The following ZFHX4 variants were observed in gnomAD, a reference collection of about 807,000 sequenced individuals.
The protein encoded by ZFHX4 is zinc finger homeobox protein 4.
ZFHX4 carries 56 observed loss-of-function variants against 267.6 expected under a neutral mutation model. That is an observed-to-expected ratio of 0.21 (90% CI 0.17 to 0.26). The LOEUF is 0.26. ZFHX4 is among the 10% of genes least tolerant of loss of function. The pLI is 1.00. For missense variants in ZFHX4, 4,332 were observed against 4,420.0 expected (o/e 0.98, Z 0.56); for synonymous variants, 1,778 against 1,665.6 (o/e 1.07, Z -1.64).
chr8:76,835,247 A>ATATATATG (rs1554572204), intron 5 of ZFHX4, among the ~76,000 whole-genome samples: 4 of 138,770 alleles, frequency 2.9e-5, no homozygotes, highest in African/African-American at 1.1e-4. Context: ...ATATGTATAT[A>ATATATATG]TATATATATA....
chr8:76,863,473 C>G lies in ZFHX4; in HGVS notation c.9759C>G (p.Asp3253Glu), dbSNP rs749953938. Reference protein sequence around the residue: ...LQALQNAIAGDPASFIGGQFL... With the variant: ...LQALQNAIAGEPASFIGGQFL... Reference sequence around the variant, plus strand: ...CATTACAGAATGCAATTGCTGGTGACCCAGCTTCCTTTATAGGCGGACAGT... The same window carrying G: ...CATTACAGAATGCAATTGCTGGTGAGCCAGCTTCCTTTATAGGCGGACAGT... The change falls in exon 11 of 11, where the codon GAC becomes GAG. Residue 3253 changes from aspartate to glutamate, a missense_variant. By Grantham distance (45) the Asp-to-Glu change is conservative. Around this residue, in one of 7 missense-constraint regions of ZFHX4, gnomAD observed 1,648 missense variants for 1,625.0 expected, o/e 1.01. Coordinates refer to ENST00000651372, the MANE Select transcript of ZFHX4 (RefSeq NM_024721.5). 1.9e-6 allele frequency: 3 copies of G among 1,613,668 alleles called. No homozygotes were observed. The highest frequency in any genetic ancestry group is 1.1e-5 in the South Asian group (1 of 90,964).
intron 3 of ZFHX4, among the ~76,000 whole-genome samples, chr8:76,770,149 A>G (rs770423882): frequency 9.9e-5 from 15 of 152,200 alleles, no homozygotes; most frequent in Non-Finnish European, 1.6e-4. Context: ...TATCATTGTT[A>G]TAACACAAAT....
chr8:76,688,033 T>C (rs1036056922), intron 1 of ZFHX4, among the ~76,000 whole-genome samples: 1 of 152,194 alleles, frequency 6.6e-6, no homozygotes, highest in Non-Finnish European at 1.5e-5. Flanking sequence ...CTTTATAAGA[T>C]GCTGTGTTTT....
intron 4 of ZFHX4, among the ~76,000 whole-genome samples, chr8:76,800,747 C>T (rs1330087609): frequency 6.6e-6 from 1 of 152,152 alleles, no homozygotes; most frequent in African/African-American, 2.4e-5. Context: ...AACTTAAGTG[C>T]ACTGTTTATA....
intron 6 of ZFHX4, 112 bp from the exon 7 acceptor site, chr8:76,848,883 G>A: frequency 2.9e-6 from 3 of 1,043,038 alleles, no homozygotes; most frequent in East Asian, 6.0e-5. Context: ...ATGCTTGTCG[G>A]TTCTTTTTGT....
Position 76,855,078 on chromosome 8 carries a change from T to A in ZFHX4, c.8157T>A (p.Asp2719Glu). The A allele has an allele frequency of 6.2e-7, 1 of 1,613,706 alleles. No homozygotes were observed. Among genetic ancestry groups the A allele is most frequent in the South Asian group, 1.1e-5 (1 of 91,030 alleles). The change falls in exon 10 of 11, where the codon GAT becomes GAA. Residue 2719 changes from aspartate (D) to glutamate (E), a missense_variant. Asp to Glu is a conservative substitution (Grantham distance 45). Coordinates refer to ENST00000651372, the MANE Select transcript of ZFHX4 (RefSeq NM_024721.5). ...CAAGCCCTTTAATATCCACCGAAGATGGGGGAGAAAGCCCACAGAAATACA... is the reference window on the plus strand; with the variant it reads ...CAAGCCCTTTAATATCCACCGAAGAAGGGGGAGAAAGCCCACAGAAATACA... Reference protein sequence around the residue: ...LPPSPLISTEDGGESPQKYIY... With the variant: ...LPPSPLISTEEGGESPQKYIY...
In ZFHX4 at chr8:76,854,643, T is replaced by C. The variant is rs1293892857; in HGVS notation, c.7722T>C (p.Val2574=). ...SSSHTTAPTT[V]AASLKRKLDD... ...CCCACACCACAGCCCCCACAACGGTTGCTGCTTCCCTAAAAAGGAAACTAG... is the reference window on the plus strand; with the variant it reads ...CCCACACCACAGCCCCCACAACGGTCGCTGCTTCCCTAAAAAGGAAACTAG... Residue 2574 remains valine, a synonymous_variant, in exon 10 of 11, where the codon GTT becomes GTC. Transcript: ENST00000651372. 6.2e-7 allele frequency: 1 copy of C among 1,613,638 alleles called. No individual in the cohort carries two copies. The highest frequency in any genetic ancestry group is 1.3e-5 in the African/African-American group (1 of 74,882).
At chr8:76,737,289 T>A (rs563217824) in intron 3 of ZFHX4, among the ~76,000 whole-genome samples, 2 of 152,304 alleles carry the variant, frequency 1.3e-5, no homozygotes, top group African/African-American at 4.8e-5. Context: ...ATTTCGACTT[T>A]AAGAAAATAT....
At chr8:76,731,232 T>C (rs10504636) in intron 3 of ZFHX4, among the ~76,000 whole-genome samples, 35,306 of 152,056 alleles carry the variant, frequency 0.23, 5,576 homozygotes, top group African/African-American at 0.45. Flanking sequence ...ACCCTGTATA[T>C]GTAAAACCAG....
In ZFHX4 at chr8:76,852,227, G is replaced by A. The variant is rs764920781; in HGVS notation, c.5306G>A (p.Gly1769Glu). The A allele has an allele frequency of 1.2e-6, 2 of 1,612,756 alleles. No homozygotes were observed. Among genetic ancestry groups the A allele is most frequent in the Non-Finnish European group, 1.7e-6 (2 of 1,179,194 alleles). ...SATFGMPGMT[G>E]MAGSLLEDLK... is the part of the protein sequence containing the mutation. ...ACATTTGGGATGCCTGGCATGACAG[G>A]AATGGCTGGCTCCTTGCTTGAAGAC... Residue 1769 changes from glycine to glutamate, a missense_variant, in exon 10 of 11, where the codon GGA becomes GAA. Around this residue, in one of 7 missense-constraint regions of ZFHX4, gnomAD observed 1,371 missense variants for 1,423.1 expected, o/e 0.96. Transcript: ENST00000651372.
At chr8:76,700,670 A>T (rs1025525807) in intron 1 of ZFHX4, among the ~76,000 whole-genome samples, 3 of 152,206 alleles carry the variant, frequency 2.0e-5, no homozygotes, top group Non-Finnish European at 4.4e-5. Context: ...AAGAGATTTG[A>T]CATGATCAAA....
At chr8:76,786,703 T>C (rs1810701005) in intron 4 of ZFHX4, among the ~76,000 whole-genome samples, 1 of 152,210 alleles carries the variant, frequency 6.6e-6, no homozygotes, top group Non-Finnish European at 1.5e-5. Context: ...TAATTATACC[T>C]TTGTTACAAA....
chr8:76,837,711 A>C (rs1812129273), intron 5 of ZFHX4, among the ~76,000 whole-genome samples: 1 of 152,166 alleles, frequency 6.6e-6, no homozygotes, highest in African/African-American at 2.4e-5. Flanking sequence ...AAGATGGATA[A>C]GATATTCACT....
In ZFHX4 at chr8:76,852,546, A is replaced by G. The variant is rs1466131044; in HGVS notation, c.5625A>G (p.Glu1875=). The stretch of plus-strand genomic sequence containing the variant: ...AACCAAAGCAGGAATTTATAAGTGA[A>G]GGTGAAGGACTCAAAGAAGGCAAAG... ...PEKPKQEFIS[E]GEGLKEGKDT... Residue 1875 remains glutamate, a synonymous_variant, in exon 10 of 11, where the codon GAA becomes GAG. Coordinates refer to ENST00000651372, the MANE Select transcript of ZFHX4 (RefSeq NM_024721.5). 3.7e-6 allele frequency: 6 copies of G among 1,610,684 alleles called. No individual in the cohort carries two copies. Among genetic ancestry groups the G allele is most frequent in the African/African-American group, 2.7e-5 (2 of 74,920 alleles).
intron 4 of ZFHX4, among the ~76,000 whole-genome samples, chr8:76,786,764 C>G (rs547046160): frequency 2.6e-5 from 4 of 152,114 alleles, no homozygotes; most frequent in East Asian, 1.9e-4. Context: ...AGTAGAACTT[C>G]GGGCAGGGAT....
rs1170669163 is a variant in ZFHX4 at position 76,854,575 on chromosome 8, C to A, written c.7654C>A (p.Leu2552Met). Residue 2552 changes from leucine (L) to methionine (M), a missense_variant, in exon 10 of 11, where the codon CTG becomes ATG. Physicochemically the swap from Leu to Met is conservative, Grantham distance 15. Coordinates refer to ENST00000651372, the MANE Select transcript of ZFHX4 (RefSeq NM_024721.5). ...CAATCCGCTGATGACTGGACAACTG[C>A]TGGGCAGTTCCCTCACTCAAATGCC... is the stretch of plus-strand genomic sequence containing the variant. ...PNNPLMTGQLLGSSLTQMPPQ... is the reference protein window; with the variant it reads ...PNNPLMTGQLMGSSLTQMPPQ... 2.5e-6 allele frequency: 4 copies of A among 1,613,826 alleles called. No individual in the cohort carries two copies. Among genetic ancestry groups the A allele is most frequent in the African/African-American group, 1.3e-5 (1 of 75,026 alleles).
chr8:76,742,314 T>C (rs1016276941), intron 3 of ZFHX4, among the ~76,000 whole-genome samples: 4 of 152,172 alleles, frequency 2.6e-5, no homozygotes, highest in Non-Finnish European at 5.9e-5. Flanking sequence ...TTGACTATTG[T>C]TTTAGTAATT....
chr8:76,714,353 A>G (rs1285859334), intron 3 of ZFHX4, among the ~76,000 whole-genome samples: 1 of 152,198 alleles, frequency 6.6e-6, no homozygotes, highest in African/African-American at 2.4e-5. Flanking sequence ...AGGAGCTGGC[A>G]TGTGTATAAT....
chr8:76,850,943 T>C lies in ZFHX4; in HGVS notation c.4022T>C (p.Val1341Ala), dbSNP rs1187001261. Residue 1341 changes from valine (V) to alanine (A), a missense_variant, in exon 10 of 11, where the codon GTG (valine) becomes GCG (alanine). Around this residue, in one of 7 missense-constraint regions of ZFHX4, gnomAD observed 1,371 missense variants for 1,423.1 expected, o/e 0.96. Coordinates refer to ENST00000651372, the MANE Select transcript of ZFHX4 (RefSeq NM_024721.5). ...GGTCTCGAGGATTCAAAGGCTAATG[T>C]GGAAGTAAAGAATGAGGAGCAGAAA... ...MAGLEDSKANVEVKNEEQKPT... is the reference protein window; with the variant it reads ...MAGLEDSKANAEVKNEEQKPT... 6.2e-7 allele frequency: 1 copy of C among 1,613,082 alleles called. No individual in the cohort carries two copies. The highest frequency in any genetic ancestry group is 1.1e-5 in the South Asian group (1 of 90,930).
Sources: allele counts gnomAD v4.1 joint callset (sites outside exome capture counted in the v4.1 genomes callset), GRCh38; gene constraint gnomAD v4.1.1; regional missense constraint gnomAD v4.1.1; transcripts MANE v1.5; gene names NCBI Gene and HGNC (gene_info 2026-07-23, HGNC 2026-07-21).